ZC3H13: variants seen among roughly 807,000 people sequenced by gnomAD.
ZC3H13 encodes zinc finger CCCH-type containing 13, also known as zinc finger CCCH domain-containing protein 13.
Under a neutral mutation model 204.1 loss-of-function variants are expected in ZC3H13, and 64 were observed. That is an observed-to-expected ratio of 0.31 (90% CI 0.26 to 0.39). The LOEUF (loss-of-function observed/expected upper bound fraction) is 0.39. ZC3H13 is among the 10% of genes least tolerant of loss of function. ZC3H13 has a pLI of 1.00. For missense variants in ZC3H13, 1,833 were observed against 2,082.7 expected (o/e 0.88, Z 2.33); for synonymous variants, 667 against 693.7 (o/e 0.96, Z 0.60).
At chr13:46,029,023 T>A (rs2042713067) in intron 4 of ZC3H13, among the ~76,000 whole-genome samples, 1 of 152,126 alleles carries the variant, frequency 6.6e-6, no homozygotes, top group Non-Finnish European at 1.5e-5. Flanking sequence ...GCTGTTTTCT[T>A]TGAAAAGATC....
intron 4 of ZC3H13, among the ~76,000 whole-genome samples, chr13:46,032,557 C>G (rs998146543): frequency 4.6e-5 from 7 of 152,130 alleles, no homozygotes; most frequent in African/African-American, 1.7e-4. Context: ...TAATTTGGCT[C>G]TGTGTGCTGC....
chr13:46,019,342 G>A (rs767209757), intron 5 of ZC3H13, among the ~76,000 whole-genome samples: 2 of 152,078 alleles, frequency 1.3e-5, no homozygotes, highest in African/African-American at 2.4e-5. Context: ...ACATGGCTGT[G>A]TTCCAATAAA....
Position 46,045,496 on chromosome 13 carries a change from A to C in ZC3H13, c.12T>G (p.Ile4Met), listed in dbSNP as rs1432838928. 4 of 1,613,776 alleles carry C rather than the reference A, an allele frequency of 2.5e-6. No homozygotes were observed. The highest frequency in any genetic ancestry group is 3.4e-6 in the Non-Finnish European group (4 of 1,179,828). Residue 4 changes from isoleucine to methionine, a missense_variant, in exon 2 of 19, where the codon ATT (isoleucine) becomes ATG (methionine). Transcript: ENST00000679008. Reference sequence around the variant, plus strand: ...TATTTTCCACTGTGACCTTCCTTCTAATTTTTGACATTTTGTACTACTTCA... The same window carrying C: ...TATTTTCCACTGTGACCTTCCTTCTCATTTTTGACATTTTGTACTACTTCA... MSK[I>M]RRKVTVENTK...
At position 45,994,455 on chromosome 13, in the gene ZC3H13, C is replaced by A. The variant is rs547749224; in HGVS notation, c.945-5358G>T. On this transcript the variant is annotated intron_variant, in intron 8 of 18. Transcript: ENST00000679008. ...AAGACAACCCTTAAATTAACCCATCCTTTAATGCTATTCAAATCCAGAATA... is the reference window on the plus strand; with the variant it reads ...AAGACAACCCTTAAATTAACCCATCATTTAATGCTATTCAAATCCAGAATA... Among the ~76,000 whole-genome samples, 5 of 152,302 alleles carry A rather than the reference C, an allele frequency of 3.3e-5. 1 individual carries two copies. The South Asian group carries it at 8.3e-4, about 25-fold the overall frequency.
intron 4 of ZC3H13, among the ~76,000 whole-genome samples, chr13:46,029,928 A>C (rs1172747845): frequency 6.6e-6 from 1 of 152,250 alleles, no homozygotes; most frequent in Non-Finnish European, 1.5e-5. Context: ...GAATCATTTC[A>C]CTATATATAT....
Position 46,018,072 on chromosome 13 carries a change from C to T in ZC3H13, c.448+2377G>A, listed in dbSNP as rs191581708. On this transcript the variant is annotated intron_variant, in intron 5 of 18. Coordinates refer to ENST00000679008, the MANE Select transcript of ZC3H13 (RefSeq NM_001330564.2). ...AAGGGGCACACAGAATACAAGGAGCCTCCGTGTAAGACTGAAGGGCTTGAA... is the reference window on the plus strand; with the variant it reads ...AAGGGGCACACAGAATACAAGGAGCTTCCGTGTAAGACTGAAGGGCTTGAA... 4.4e-3 allele frequency among the ~76,000 whole-genome samples: 666 copies of T among 152,178 alleles called. 1 individual carries two copies. Among genetic ancestry groups the T allele is most frequent in the Middle Eastern group, 0.024 (7 of 294 alleles).
chr13:46,040,678 G>A (rs1035862055), intron 4 of ZC3H13, among the ~76,000 whole-genome samples: 5 of 152,094 alleles, frequency 3.3e-5, no homozygotes, highest in Admixed American at 3.3e-4. Flanking sequence ...CACACAGAAT[G>A]GGAGAAAAGA....
intron 18 of ZC3H13, among the ~76,000 whole-genome samples, chr13:45,957,737 T>C (rs1022168964): frequency 2.0e-5 from 3 of 152,220 alleles, no homozygotes; most frequent in South Asian, 2.1e-4. Flanking sequence ...GTAAGTGCCA[T>C]GAGTTCCTTC....
chr13:46,013,773 A>G (rs2041732747), intron 5 of ZC3H13, among the ~76,000 whole-genome samples: 2 of 152,234 alleles, frequency 1.3e-5, no homozygotes, highest in Admixed American at 1.3e-4. Context: ...AAGTCATCAG[A>G]AAAATATCAA....
intron 8 of ZC3H13, among the ~76,000 whole-genome samples, chr13:45,995,242 C>G (rs1034022501): frequency 3.3e-5 from 5 of 152,170 alleles, no homozygotes; most frequent in African/African-American, 1.2e-4. Flanking sequence ...TACTTGAGAA[C>G]AGCCTTCCTC....
rs767656803 is a variant in ZC3H13 at position 45,969,413 on chromosome 13, T to C, written c.3131A>G (p.Glu1044Gly). The change falls in exon 14 of 19, where the codon GAA (glutamate) becomes GGA (glycine). Residue 1044 changes from glutamate (E) to glycine (G), a missense_variant. Coordinates refer to ENST00000679008, the MANE Select transcript of ZC3H13 (RefSeq NM_001330564.2). Reference sequence around the variant, plus strand: ...AATACCATTCTTACCATTGCACATTTCAACCAATTCCTCTTTAGTTGTTAT... The same window carrying C: ...AATACCATTCTTACCATTGCACATTCCAACCAATTCCTCTTTAGTTGTTAT... ...PPITTKEELV[E>G]MCNGKNGILE... 29 of 1,613,990 alleles carry C rather than the reference T, an allele frequency of 1.8e-5. No individual in the cohort carries two copies. Among genetic ancestry groups the C allele is most frequent in the South Asian group, 1.1e-4 (10 of 91,092 alleles).
Position 45,967,816 on chromosome 13 carries a change from G to A in ZC3H13, c.4009C>T (p.Arg1337Ter), listed in dbSNP as rs1952221959. The part of the protein sequence containing the change: ...ADKDWPRNRD[R>*]DRLRERERER... ...CGTTCTCGTTCTCGCAATCTATCTCGATCCCTGTTGCGTGGCCAATCTTTA... is the reference window on the plus strand; with the variant it reads ...CGTTCTCGTTCTCGCAATCTATCTCAATCCCTGTTGCGTGGCCAATCTTTA... Residue 1337 changes from arginine (R) to a stop codon, truncating the protein, a stop_gained, in exon 15 of 19, where the codon CGA becomes TGA. Transcript: ENST00000679008. LOFTEE classifies it high-confidence loss of function. 2.5e-6 allele frequency: 4 copies of A among 1,613,080 alleles called. No homozygotes were observed. Among genetic ancestry groups the A allele is most frequent in the Non-Finnish European group, 3.4e-6 (4 of 1,179,642 alleles).
intron 8 of ZC3H13, among the ~76,000 whole-genome samples, chr13:45,999,310 T>A (rs1291180110): frequency 6.6e-6 from 1 of 152,118 alleles, no homozygotes; most frequent in Non-Finnish European, 1.5e-5. Context: ...AGCACACACA[T>A]ACACAAAAAA....
At chr13:46,043,479 A>G (rs1174557251) in intron 3 of ZC3H13, among the ~76,000 whole-genome samples, 1 of 151,936 alleles carries the variant, frequency 6.6e-6, no homozygotes, top group African/African-American at 2.4e-5. Flanking sequence ...CCTTTATATA[A>G]TAAAACACTT....
Position 45,965,409 on chromosome 13 carries a change from C to T in ZC3H13, c.4345G>A (p.Asp1449Asn). ...LEAGDDESKL[D>N]DAHSLGSGAG... ...CCAGAGCCTAATGAATGTGCATCAT[C>T]TAACTTGGACTCGTCATCTCCTGCT... The change falls in exon 16 of 19, where the codon GAT becomes AAT. Residue 1449 changes from aspartate to asparagine, a missense_variant. Coordinates refer to ENST00000679008, the MANE Select transcript of ZC3H13 (RefSeq NM_001330564.2). 1 of 1,613,212 alleles carries T rather than the reference C, an allele frequency of 6.2e-7. No homozygotes were observed. Among genetic ancestry groups the T allele is most frequent in the Non-Finnish European group, 8.5e-7 (1 of 1,179,546 alleles).
chr13:46,028,199 G>C (rs1158100328), intron 4 of ZC3H13, among the ~76,000 whole-genome samples: 1 of 152,152 alleles, frequency 6.6e-6, no homozygotes, highest in Non-Finnish European at 1.5e-5. Context: ...AGACAGAGTA[G>C]ACTCTAGAGC....
At chr13:46,037,933 C>G (rs2043311577) in intron 4 of ZC3H13, among the ~76,000 whole-genome samples, 1 of 152,186 alleles carries the variant, frequency 6.6e-6, no homozygotes, top group Non-Finnish European at 1.5e-5. Context: ...TTACAGCACA[C>G]TTCAATTCAG....
chr13:45,982,935 C>A (rs1372429524), intron 10 of ZC3H13, among the ~76,000 whole-genome samples: 2 of 152,034 alleles, frequency 1.3e-5, no homozygotes, highest in Non-Finnish European at 2.9e-5. Flanking sequence ...TTTACGTGTA[C>A]CTAATAGCAA....
rs1170789148 is a variant in ZC3H13, at chr13:46,014,949, GT to G, written c.449-3396del. On this transcript the variant is annotated intron_variant, in intron 5 of 18. Coordinates refer to ENST00000679008, the MANE Select transcript of ZC3H13 (RefSeq NM_001330564.2). ...ACTTTATCGTAGCTTACTTAAAAGA[GT>G]TTCCTTCTTAAAGACAGATGAACTG... 7.9e-5 allele frequency among the ~76,000 whole-genome samples: 12 copies of G among 152,206 alleles called. No homozygotes were observed. The East Asian group carries it at 2.3e-3, about 29-fold the overall frequency.
Sources: gnomAD v4.1 joint callset for allele counts (sites outside exome capture counted in the v4.1 genomes callset) on GRCh38, gnomAD v4.1.1 for gene constraint, MANE v1.5 for transcripts, NCBI Gene and HGNC (gene_info 2026-07-23, HGNC 2026-07-21) for gene names.